PAK4: variants seen among roughly 807,000 people sequenced by gnomAD.
PAK4 encodes serine/threonine-protein kinase PAK 4.
PAK4 carries 49 observed loss-of-function variants against 53.5 expected under a neutral mutation model. That is an observed-to-expected ratio of 0.92 (90% CI 0.73 to 1.16). The LOEUF is 1.16. Ranked by LOEUF, PAK4 falls within the 50% of genes most tolerant of loss-of-function variation. PAK4 has a pLI of 0.00. For synonymous variants in PAK4, 376 were observed against 375.6 expected, an observed-to-expected ratio of 1.00 and a Z score of -0.01; for missense variants, 824 against 850.7, an observed-to-expected ratio of 0.97 and a Z score of 0.39.
At chr19:39,131,084 A>G (rs2073701270) in intron 1 of PAK4, among the ~76,000 whole-genome samples, 1 of 152,052 alleles carries the variant, frequency 6.6e-6, no homozygotes, top group Non-Finnish European at 1.5e-5. Context: ...TAGAGATGAG[A>G]AAGGAGGCCC....
intron 1 of PAK4, among the ~76,000 whole-genome samples, chr19:39,132,558 G>A (rs1600302728): frequency 1.3e-5 from 2 of 152,370 alleles, no homozygotes; most frequent in South Asian, 4.1e-4. Flanking sequence ...CCCACGGACA[G>A]CACAGCCATT....
chr19:39,137,983 GTTT>G (rs74559237), intron 1 of PAK4, among the ~76,000 whole-genome samples: 2 of 128,682 alleles, frequency 1.6e-5, no homozygotes, highest in Admixed American at 7.9e-5. Flanking sequence ...CATTCCTGAG[GTTT>G]TTTTTTTTTT....
intron 1 of PAK4, among the ~76,000 whole-genome samples, chr19:39,134,348 C>T (rs145543617): frequency 1.3e-3 from 201 of 152,348 alleles, no homozygotes; most frequent in African/African-American, 4.5e-3. Context: ...TGCCCATAAC[C>T]CCTGTCCATC....
At chr19:39,130,906 C>T (rs1267145698) in intron 1 of PAK4, among the ~76,000 whole-genome samples, 2 of 150,894 alleles carry the variant, frequency 1.3e-5, no homozygotes, top group East Asian at 3.9e-4. Context: ...GACAGGGAGG[C>T]TGTGGGGAGG....
chr19:39,165,346 C>CAAAAAAAAAA (rs59682991), intron 1 of PAK4, among the ~76,000 whole-genome samples: 2 of 92,636 alleles, frequency 2.2e-5, no homozygotes, highest in African/African-American at 8.1e-5. Context: ...ACTAAAAATA[C>CAAAAAAAAAA]AAAAAAAAAA....
At position 39,178,902 on chromosome 19, in the gene PAK4, G is replaced by T; in HGVS notation, c.*323G>T. On this transcript the variant is annotated 3_prime_UTR_variant, in exon 9 of 9. Transcript: ENST00000358301. This position sits in a 1 kb window ranked among gnomAD's most constrained non-coding sequence, Gnocchi z 4.4. ...GAAGTCTGCAGTGGGGGTCGCTGGG[G>T]GTGGAGAGAACACTAAGAGGTGAAC... 2 of 324,592 alleles carry T rather than the reference G, an allele frequency of 6.2e-6. No individual in the cohort carries two copies. Among genetic ancestry groups the T allele is most frequent in the Non-Finnish European group, 5.7e-6 (1 of 175,260 alleles). 20.1% of individuals were successfully genotyped at this position (324,592 alleles called of 1,614,324 possible). A position where few individuals can be genotyped will look rare whatever the true frequency, so the allele number is the denominator to read the frequency against.
chr19:39,173,858 G>A lies in PAK4; in HGVS notation c.946G>A (p.Asp316Asn), dbSNP rs143998317. Residue 316 changes from aspartate to asparagine, a missense_variant, in exon 4 of 9, where the codon GAC (aspartate) becomes AAC (asparagine). By Grantham distance (23) the Asp-to-Asn change is conservative. Coordinates refer to ENST00000358301, the Ensembl canonical transcript of PAK4. This position sits in a 1 kb window ranked among gnomAD's most constrained non-coding sequence, Gnocchi z 6.9. ...CCTGCAGCTGGTGGTGGACCCAGGC[G>A]ACCCCCGCTCCTACCTGGACAACTT... 615 of 1,612,520 alleles carry A rather than the reference G, an allele frequency of 3.8e-4. 2 individuals carry two copies. Among genetic ancestry groups the A allele is most frequent in the Non-Finnish European group, 4.1e-4 (485 of 1,179,806 alleles).
chr19:39,178,615 C>T lies in PAK4; in HGVS notation c.*36C>T, dbSNP rs376520116. On this transcript the variant is annotated 3_prime_UTR_variant, in exon 9 of 9. Coordinates refer to ENST00000358301, the Ensembl canonical transcript of PAK4. This position sits in a 1 kb window ranked among gnomAD's most constrained non-coding sequence, Gnocchi z 4.4. ...CCTTCCCCTCAACCAAAGAGCCCCC[C>T]GGGTCACCCCCGCCCCACTGAGGCC... The T allele has an allele frequency of 5.0e-4, 769 of 1,539,124 alleles. 8 individuals carry two copies. In the South Asian group the frequency reaches 8.7e-3, roughly 17 times the overall value.
chr19:39,140,275 T>C (rs933678496), intron 1 of PAK4, among the ~76,000 whole-genome samples: 1 of 152,016 alleles, frequency 6.6e-6, no homozygotes, highest in Non-Finnish European at 1.5e-5. Context: ...GGGAGATGGG[T>C]TCTGCAGGCC....
chr19:39,176,747 G>T, intron 7 of PAK4, 32 bp downstream of exon 8: 1 of 1,601,434 alleles, frequency 6.2e-7, no homozygotes, highest in Non-Finnish European at 8.5e-7. Context: ...TTGTCCCGCC[G>T]TGGACAGCGT....
intron 1 of PAK4, among the ~76,000 whole-genome samples, chr19:39,145,379 T>G (rs1231691896): frequency 2.0e-5 from 3 of 152,234 alleles, no homozygotes. Flanking sequence ...TATTTTGTTC[T>G]TGAGATTTCT....
intron 1 of PAK4, among the ~76,000 whole-genome samples, chr19:39,165,037 AC>A (rs1352251489): frequency 6.6e-6 from 1 of 151,324 alleles, no homozygotes; most frequent in Non-Finnish European, 1.5e-5. Flanking sequence ...TCCTCCCACT[AC>A]CCGTGGGGTC....
At position 39,173,256 on chromosome 19, in the gene PAK4, C is replaced by CG; in HGVS notation, c.546dup (p.Pro183AlafsTer2). The CG allele has an allele frequency of 6.3e-7, 1 of 1,592,624 alleles. No homozygotes were observed. Among genetic ancestry groups the CG allele is most frequent in the Non-Finnish European group, 8.5e-7 (1 of 1,170,668 alleles). On this transcript the variant is annotated frameshift_variant, in exon 3 of 9. Transcript: ENST00000358301. LOFTEE classifies it high-confidence loss of function. The surrounding 1 kb of genome is among the most constrained non-coding windows in gnomAD (Gnocchi z 6.9). Reference sequence around the variant, plus strand: ...CCTCCCGGGACAAACGCCCCCTCTCCGGGCCTGATGTCGGCACCCCCCAGC... The same window carrying CG: ...CCTCCCGGGACAAACGCCCCCTCTCCGGGGCCTGATGTCGGCACCCCCCAGC...
chr19:39,175,792 T>C lies in PAK4; in HGVS notation c.1359+354T>C, dbSNP rs927668171. ...GCGGTCCATGGACCCCAGTCCTGTC[T>C]TCCATGCTTTGGACTGAGGTTCCAA... On this transcript the variant is annotated intron_variant, in intron 6 of 8. Coordinates refer to ENST00000358301, the Ensembl canonical transcript of PAK4. This position sits in a 1 kb window ranked among gnomAD's most constrained non-coding sequence, Gnocchi z 4.7. Among the ~76,000 whole-genome samples, 44 of 152,352 alleles carry C rather than the reference T, an allele frequency of 2.9e-4. No individual in the cohort carries two copies. The highest frequency in any genetic ancestry group is 1.1e-3 in the African/African-American group (44 of 41,580).
intron 1 of PAK4, chr19:39,152,432 G>A (rs2074108038): frequency 6.6e-6 from 1 of 152,192 alleles, no homozygotes; most frequent in East Asian, 1.9e-4. Flanking sequence ...CAAAGTGCAA[G>A]AGTAGCGATG....
intron 7 of PAK4, 61 bp from the exon 9 acceptor site, chr19:39,177,614 G>A: frequency 8.4e-6 from 13 of 1,543,134 alleles, no homozygotes; most frequent in Non-Finnish European, 1.1e-5. Flanking sequence ...CCTGCCTGAG[G>A]CCTCCCCAGG....
intron 1 of PAK4, among the ~76,000 whole-genome samples, chr19:39,144,569 T>C (rs1181417202): frequency 6.6e-6 from 1 of 152,144 alleles, no homozygotes; most frequent in Non-Finnish European, 1.5e-5. Context: ...GCCAGAAGGG[T>C]TTCCTGGGGA....
rs2074530270 is a variant in PAK4 at position 39,173,438 on chromosome 19, C to T, written c.663+62C>T. The stretch of plus-strand genomic sequence containing the variant: ...CTGCCCGTTGCTCCTCTGTCCCCAC[C>T]TTCCAGCCCCGCCCCACCACCGTGC... On this transcript the variant is annotated intron_variant, in intron 3 of 8. Coordinates refer to ENST00000358301, the Ensembl canonical transcript of PAK4. This position sits in a 1 kb window ranked among gnomAD's most constrained non-coding sequence, Gnocchi z 6.9. 7.2e-7 allele frequency: 1 copy of T among 1,392,860 alleles called. No individual in the cohort carries two copies. The highest frequency in any genetic ancestry group is 9.6e-7 in the Non-Finnish European group (1 of 1,039,194). 86.3% of individuals were successfully genotyped at this position (1,392,860 alleles called of 1,614,324 possible). A position where few individuals can be genotyped will look rare whatever the true frequency, so the allele number is the denominator to read the frequency against.
At chr19:39,143,320 G>C (rs1289009679) in intron 1 of PAK4, among the ~76,000 whole-genome samples, 1 of 149,912 alleles carries the variant, frequency 6.7e-6, no homozygotes, top group African/African-American at 2.4e-5. Flanking sequence ...GCTGGGTGTG[G>C]TGGCTCACGC....
Sources: allele counts gnomAD v4.1 joint callset (sites outside exome capture counted in the v4.1 genomes callset), GRCh38; gene constraint gnomAD v4.1.1; non-coding constraint Gnocchi (gnomAD v3.1); transcripts MANE v1.5; gene names NCBI Gene and HGNC (gene_info 2026-07-23, HGNC 2026-07-21).